Variants in ESRRB observed in about 807,000 individuals in gnomAD.
ESRRB encodes the protein steroid hormone receptor ERR2.
Under a neutral mutation model 46.0 loss-of-function variants are expected in ESRRB, and 16 were observed. The observed-to-expected ratio is 0.35, with a 90% CI of 0.24 to 0.53. The LOEUF (loss-of-function observed/expected upper bound fraction) is 0.53. Ranked by LOEUF, ESRRB falls within the 20% of genes least tolerant of loss-of-function variation. The probability of loss-of-function intolerance (pLI) is 0.93; values close to 1 mark genes in which losing one functional copy is unlikely to be tolerated. For missense variants in ESRRB, 488 were observed against 607.4 expected, an observed-to-expected ratio of 0.80 and a Z score of 2.07; for synonymous variants, 246 against 259.6, an observed-to-expected ratio of 0.95 and a Z score of 0.50.
intron 1 of ESRRB, among the ~76,000 whole-genome samples, chr14:76,318,087 T>A (rs56087158): frequency 6.6e-6 from 1 of 152,358 alleles, no homozygotes; most frequent in South Asian, 2.1e-4. Context: ...CTCTGCATTT[T>A]AAATTTTGGC....
intron 6 of ESRRB, among the ~76,000 whole-genome samples, chr14:76,493,730 G>C (rs1170597773): frequency 6.6e-6 from 1 of 152,218 alleles, no homozygotes; most frequent in Non-Finnish European, 1.5e-5. Flanking sequence ...GGGACAGTTG[G>C]TTGCCCTAGC....
At chr14:76,381,095 G>A (rs1178412749) in intron 1 of ESRRB, among the ~76,000 whole-genome samples, 5 of 152,186 alleles carry the variant, frequency 3.3e-5, no homozygotes, top group Non-Finnish European at 5.9e-5. Flanking sequence ...TCCCTCAGAG[G>A]AGAGGCCCAT....
intron 3 of ESRRB, among the ~76,000 whole-genome samples, chr14:76,464,964 CAG>C (rs770850890): frequency 6.6e-6 from 1 of 152,042 alleles, no homozygotes; most frequent in Admixed American, 6.5e-5. Flanking sequence ...GCCCAAGAGA[CAG>C]AGCTGCTTGA....
intron 1 of ESRRB, among the ~76,000 whole-genome samples, chr14:76,386,352 A>G (rs1444384437): frequency 1.3e-5 from 2 of 151,944 alleles, no homozygotes; most frequent in Non-Finnish European, 2.9e-5. Context: ...CTATCTACCC[A>G]TGACTGTTTT....
chr14:76,479,448 C>T (rs1196589114), intron 3 of ESRRB, among the ~76,000 whole-genome samples: 1 of 152,198 alleles, frequency 6.6e-6, no homozygotes, highest in Non-Finnish European at 1.5e-5. Context: ...CATGCACAGC[C>T]TTGTCTCAGA....
At chr14:76,338,866 C>G (rs1189641758) in intron 1 of ESRRB, among the ~76,000 whole-genome samples, 2 of 152,180 alleles carry the variant, frequency 1.3e-5, no homozygotes, top group African/African-American at 4.8e-5. Context: ...TCTCTTGAAC[C>G]AGGGAGGTGG....
At chr14:76,390,481 TCA>T (rs1187821996) in intron 1 of ESRRB, among the ~76,000 whole-genome samples, 1 of 151,978 alleles carries the variant, frequency 6.6e-6, no homozygotes, top group Non-Finnish European at 1.5e-5. Flanking sequence ...AAAGCAAGAC[TCA>T]GTCTCAAAAA....
chr14:76,411,340 C>T (rs1292793260), intron 1 of ESRRB, among the ~76,000 whole-genome samples: 4 of 151,790 alleles, frequency 2.6e-5, no homozygotes, highest in South Asian at 2.1e-4. Context: ...CCCAGCTACT[C>T]GGGAGGCCGA....
At chr14:76,326,878 G>A (rs1395560885) in intron 1 of ESRRB, among the ~76,000 whole-genome samples, 2 of 152,250 alleles carry the variant, frequency 1.3e-5, no homozygotes, top group Non-Finnish European at 2.9e-5. Flanking sequence ...AGATCCCTGG[G>A]CATAGGGAGG....
chr14:76,460,165 G>T (rs1410754353), intron 2 of ESRRB, among the ~76,000 whole-genome samples: 1 of 152,196 alleles, frequency 6.6e-6, no homozygotes, highest in Non-Finnish European at 1.5e-5. Context: ...ATCCCATGTG[G>T]GGAGGTGGTG....
At chr14:76,491,765 G>C (rs1328391574) in intron 6 of ESRRB, 49 bp downstream of exon 6, 1 of 1,525,370 alleles carries the variant, frequency 6.6e-7, no homozygotes, top group Admixed American at 2.1e-5. Flanking sequence ...GGCTCTGCAT[G>C]GGCCTAATGA....
chr14:76,400,607 T>A (rs1288466061), intron 1 of ESRRB, among the ~76,000 whole-genome samples: 9 of 152,140 alleles, frequency 5.9e-5, no homozygotes. Flanking sequence ...TTGGTCCCAG[T>A]TTGGGTGGTG....
intron 1 of ESRRB, among the ~76,000 whole-genome samples, chr14:76,392,758 G>T (rs1046301032): frequency 1.3e-5 from 2 of 152,252 alleles, no homozygotes; most frequent in Non-Finnish European, 2.9e-5. Context: ...TGTGGAGAGG[G>T]TCAGGACATC....
chr14:76,362,132 T>C (rs1054707043), intron 1 of ESRRB, among the ~76,000 whole-genome samples: 3 of 152,184 alleles, frequency 2.0e-5, no homozygotes, highest in African/African-American at 7.2e-5. Flanking sequence ...GGACTTCCAC[T>C]TGGGAAAGGA....
At chr14:76,425,080 CA>C (rs1280084552) in intron 1 of ESRRB, among the ~76,000 whole-genome samples, 5 of 152,012 alleles carry the variant, frequency 3.3e-5, no homozygotes, top group Non-Finnish European at 7.4e-5. Flanking sequence ...GAAGACAGAG[CA>C]GATGGGTTAT....
chr14:76,476,020 A>G (rs540995652), intron 3 of ESRRB, among the ~76,000 whole-genome samples: 11 of 152,322 alleles, frequency 7.2e-5, no homozygotes, highest in South Asian at 4.1e-4. Context: ...GATACAGTCA[A>G]TTGACATTGA....
chr14:76,419,018 CTT>C (rs869269538), intron 1 of ESRRB, among the ~76,000 whole-genome samples: 8 of 143,878 alleles, frequency 5.6e-5, no homozygotes, highest in Non-Finnish European at 9.2e-5. Context: ...AGCCTGTAAA[CTT>C]TTTTTTTTTT....
chr14:76,432,668 TC>T (rs1445886340), intron 1 of ESRRB, among the ~76,000 whole-genome samples: 3 of 107,052 alleles, frequency 2.8e-5, no homozygotes, highest in Admixed American at 8.4e-5. Flanking sequence ...TATTTCTCTC[TC>T]TCTTTTTTTT....
upstream of ESRRB, among the ~76,000 whole-genome samples, chr14:76,367,995 C>T (rs573389638): frequency 1.3e-5 from 2 of 149,484 alleles, no homozygotes; most frequent in South Asian, 4.3e-4. Context: ...CTCTGTCACC[C>T]AGCCTGGAGT....
Sources: allele counts gnomAD v4.1 joint callset (sites outside exome capture counted in the v4.1 genomes callset), GRCh38; gene constraint gnomAD v4.1.1; transcripts MANE v1.5; gene names NCBI Gene and HGNC (gene_info 2026-07-23, HGNC 2026-07-21).